The following PEX5 variants were observed in gnomAD, a reference collection of about 807,000 sequenced individuals.
The protein encoded by PEX5 is peroxisomal biogenesis factor 5, also known as PTS1 receptor.
A neutral mutation model predicts 82.9 loss-of-function variants in PEX5; 52 were observed. The observed-to-expected ratio is 0.63, with a 90% confidence interval of 0.50 to 0.79. The LOEUF (loss-of-function observed/expected upper bound fraction) is 0.79. Ranked by LOEUF, PEX5 falls within the 30% of genes least tolerant of loss-of-function variation. The probability of loss-of-function intolerance (pLI) is 0.00; values close to 1 mark genes in which losing one functional copy is unlikely to be tolerated. For missense variants in PEX5, 719 were observed against 815.2 expected, an observed-to-expected ratio of 0.88 and a Z score of 1.44; for synonymous variants, 300 against 318.8, an observed-to-expected ratio of 0.94 and a Z score of 0.63.
At chr12:7,191,066 T>G in intron 3 of PEX5, 143 bp downstream of exon 3, 6 of 1,186,806 alleles carry the variant, frequency 5.1e-6, no homozygotes, top group Non-Finnish European at 7.6e-6. Context: ...TATTTTTTCG[T>G]CCTTCTAAAT....
intron 6 of PEX5, among the ~76,000 whole-genome samples, chr12:7,200,296 G>T (rs1371964293): frequency 6.6e-6 from 1 of 151,604 alleles, no homozygotes; most frequent in African/African-American, 2.4e-5. Context: ...ACGATGGGTG[G>T]TCGGGCAGAG....
intron 5 of PEX5, among the ~76,000 whole-genome samples, chr12:7,196,685 TTA>T (rs761935660): frequency 1.1e-3 from 5 of 4,728 alleles, no homozygotes; most frequent in Non-Finnish European, 2.2e-3. Flanking sequence ...AATGTAATAA[TTA>T]TATATGTCAC....
intron 1 of PEX5, 161 bp from the exon 2 acceptor site, chr12:7,190,201 C>T: frequency 1.9e-6 from 3 of 1,556,818 alleles, no homozygotes; most frequent in South Asian, 2.3e-5. Context: ...CGACCTCCCT[C>T]GAACTCCTGG....
chr12:7,202,693 T>A lies in PEX5; in HGVS notation c.835T>A (p.Ser279Thr), dbSNP rs1338960446. The A allele has an allele frequency of 6.2e-7, 1 of 1,613,140 alleles. No individual in the cohort carries two copies. The highest frequency in any genetic ancestry group is 8.5e-7 in the Non-Finnish European group (1 of 1,179,142). ...TGATATGGAGTTTGAACGAGCCAAGTCAGCTATAGAGGTGAGAGCAGATAG... is the reference window on the plus strand; with the variant it reads ...TGATATGGAGTTTGAACGAGCCAAGACAGCTATAGAGGTGAGAGCAGATAG... ...ALDMEFERAK[S>T]AIESDVDFWD... is the part of the protein sequence containing the mutation. Residue 279 changes from serine (S) to threonine (T), a missense_variant, in exon 9 of 16, where the codon TCA (serine) becomes ACA (threonine). Coordinates refer to ENST00000675855, the MANE Select transcript of PEX5 (RefSeq NM_001351132.2).
chr12:7,212,464 GAAAA>G (rs5796271), downstream of PEX5, among the ~76,000 whole-genome samples: 24,531 of 96,468 alleles, frequency 0.25, 3,204 homozygotes, highest in South Asian at 0.4. Flanking sequence ...AAAGCTGCCA[GAAAA>G]AAAAAAAAAA....
intron 14 of PEX5, 101 bp from the exon 15 acceptor site, chr12:7,209,582 C>T: frequency 8.2e-6 from 1 of 121,710 alleles, no homozygotes. Flanking sequence ...AGTAGTGAAA[C>T]AGCTGGAGTA....
chr12:7,191,790 T>G, intron 5 of PEX5, 90 bp downstream of exon 5: 1 of 1,276,866 alleles, frequency 7.8e-7, no homozygotes, highest in Non-Finnish European at 1.1e-6. Flanking sequence ...TGATTACGAT[T>G]TTTCTGGTCT....
intron 2 of PEX5, 51 bp from the exon 3 acceptor site, chr12:7,190,837 C>T: frequency 6.4e-7 from 1 of 1,572,148 alleles, no homozygotes; most frequent in Non-Finnish European, 8.8e-7. Flanking sequence ...TTCATCAACC[C>T]CTGATTTTAG....
At chr12:7,203,379 G>T (rs1944381377) in intron 9 of PEX5, 53 bp from the exon 10 acceptor site, 1 of 1,571,136 alleles carries the variant, frequency 6.4e-7, no homozygotes, top group Non-Finnish European at 8.7e-7. Flanking sequence ...TGAGTGTGGG[G>T]TGGGGTGGTC....
At chr12:7,208,959 A>G in intron 13 of PEX5, 46 bp from the exon 14 acceptor site, 1 of 1,527,810 alleles carries the variant, frequency 6.5e-7, no homozygotes, top group Non-Finnish European at 9.1e-7. Flanking sequence ...GGATGGGAAT[A>G]GAGACATTCA....
chr12:7,189,763 C>T lies in PEX5; in HGVS notation c.-17+13C>T. The T allele has an allele frequency of 2.1e-6, 1 of 468,484 alleles. No individual in the cohort carries two copies. The highest frequency in any genetic ancestry group is 3.3e-6 in the Non-Finnish European group (1 of 300,150). The allele number at this position is 468,484 out of a possible 1,614,324, so 29.0% of individuals were successfully genotyped here. On this transcript the variant is annotated intron_variant, in intron 1 of 15. Coordinates refer to ENST00000675855, the MANE Select transcript of PEX5 (RefSeq NM_001351132.2). ...GCGGCGCTCCGCGGTGAGCGCCTGA[C>T]CCCGAGGGGGCCCGGGGCCGCGTCC...
At chr12:7,189,616 TG>T (rs1565666267), upstream of PEX5, 4 of 297,258 alleles carry the variant, frequency 1.3e-5, no homozygotes, top group South Asian at 6.3e-4. Context: ...CAGCTTCCGC[TG>T]GGCCTGGGCC....
intron 5 of PEX5, among the ~76,000 whole-genome samples, chr12:7,194,953 C>A (rs1053971990): frequency 5.9e-5 from 9 of 152,148 alleles, no homozygotes; most frequent in African/African-American, 1.7e-4. Flanking sequence ...TCACCGCAGC[C>A]CCTACTGTTA....
In PEX5 at chr12:7,197,559, A is replaced by AATAATTATATGTTATATATAATG. The variant is rs1565690134; in HGVS notation, c.449-1452_449-1451insATAATTATATGTTATATATAATG. ...TGTAATTATATATGTTATATATAAT[A>AATAATTATATGTTATATATAATG]TAATAAGTAGTAATTACTTATTATT... On this transcript the variant is annotated intron_variant, in intron 5 of 15. Coordinates refer to ENST00000675855, the MANE Select transcript of PEX5 (RefSeq NM_001351132.2). Among the ~76,000 whole-genome samples the AATAATTATATGTTATATATAATG allele has an allele frequency of 1.5e-3, 161 of 107,508 alleles. 14 individuals are homozygous for AATAATTATATGTTATATATAATG. Among genetic ancestry groups the AATAATTATATGTTATATATAATG allele is most frequent in the South Asian group, 9.3e-3 (25 of 2,696 alleles). The allele number at this position is 107,508 out of a possible 152,430, so 70.5% of individuals were successfully genotyped here.
At position 7,199,487 on chromosome 12, in the gene PEX5, C is replaced by T. The variant is rs1943349466; in HGVS notation, c.551+374C>T. Reference sequence around the variant, plus strand: ...CTTAATCCATTTAACCCTGAGTGAACACAGCACATGTTTCAGAGAGCACAG... The same window carrying T: ...CTTAATCCATTTAACCCTGAGTGAATACAGCACATGTTTCAGAGAGCACAG... On this transcript the variant is annotated intron_variant, in intron 6 of 15. Coordinates refer to ENST00000675855, the MANE Select transcript of PEX5 (RefSeq NM_001351132.2). Among the ~76,000 whole-genome samples, 4 of 151,054 alleles carry T rather than the reference C, an allele frequency of 2.6e-5. No individual in the cohort carries two copies. In the South Asian group the frequency reaches 8.5e-4, roughly 32 times the overall value.
At chr12:7,207,130 A>C (rs747062039) in intron 10 of PEX5, among the ~76,000 whole-genome samples, 14 of 152,210 alleles carry the variant, frequency 9.2e-5, no homozygotes, top group Non-Finnish European at 1.9e-4. Context: ...TCGGGGAATA[A>C]ATTAACATTT....
chr12:7,189,362 G>T (rs751850610), upstream of PEX5: 5 of 152,410 alleles, frequency 3.3e-5, no homozygotes, highest in Non-Finnish European at 5.9e-5. Context: ...GCGCCCAAGG[G>T]AAGAGGCAGG....
At chr12:7,203,698 C>A in intron 10 of PEX5, 147 bp downstream of exon 10, 1 of 757,528 alleles carries the variant, frequency 1.3e-6, no homozygotes, top group Non-Finnish European at 2.2e-6. Flanking sequence ...CTTGCCCTTC[C>A]TCTTCAGTGA....
chr12:7,191,527 A>G, intron 4 of PEX5, 42 bp from the exon 5 acceptor site: 1 of 1,610,886 alleles, frequency 6.2e-7, no homozygotes, highest in Non-Finnish European at 8.5e-7. Flanking sequence ...ATGGAATGGT[A>G]TGTATGTATT....
Sources: allele counts gnomAD v4.1 joint callset (sites outside exome capture counted in the v4.1 genomes callset), GRCh38; gene constraint gnomAD v4.1.1; transcripts MANE v1.5; gene names NCBI Gene and HGNC (gene_info 2026-07-23, HGNC 2026-07-21).